VPS13D: variants seen among roughly 807,000 people sequenced by gnomAD.
VPS13D encodes the protein intermembrane lipid transfer protein VPS13D.
A neutral mutation model predicts 461.9 loss-of-function variants in VPS13D; 187 were observed. That is an observed-to-expected ratio of 0.40 (90% CI 0.36 to 0.46). VPS13D has a LOEUF of 0.46. Ranked by LOEUF, VPS13D falls within the 20% of genes least tolerant of loss-of-function variation. The probability of loss-of-function intolerance (pLI) is 0.60; values close to 1 mark genes in which losing one functional copy is unlikely to be tolerated. For synonymous variants in VPS13D, 1,951 were observed against 1,986.3 expected (o/e 0.98, Z 0.47); for missense variants, 4,711 against 5,364.9 (o/e 0.88, Z 3.81).
At chr1:12,471,733 A>G (rs1243634920) in intron 67 of VPS13D, among the ~76,000 whole-genome samples, 3 of 152,144 alleles carry the variant, frequency 2.0e-5, no homozygotes, top group Admixed American at 6.5e-5. Flanking sequence ...CCCCCCACCC[A>G]GGTCACTTTG....
At chr1:12,347,523 G>T (rs1309363448) in intron 44 of VPS13D, among the ~76,000 whole-genome samples, 2 of 152,108 alleles carry the variant, frequency 1.3e-5, no homozygotes, top group African/African-American at 4.8e-5. Flanking sequence ...TTTTTGGGTT[G>T]GGTCACTGGA....
At chr1:12,359,303 GCC>G (rs1643917850) in intron 50 of VPS13D, among the ~76,000 whole-genome samples, 1 of 152,126 alleles carries the variant, frequency 6.6e-6, no homozygotes, top group Admixed American at 6.6e-5. Flanking sequence ...TAATTTCCCA[GCC>G]TCTCAAAGCA....
Position 12,335,342 on chromosome 1 carries a change from C to T in VPS13D, c.8429-363C>T, listed in dbSNP as rs574260236. Among the ~76,000 whole-genome samples, 52 of 152,368 alleles carry T rather than the reference C, an allele frequency of 3.4e-4. No individual in the cohort carries two copies. The Middle Eastern group carries it at 0.014, about 40-fold the overall frequency. The stretch of plus-strand genomic sequence containing the variant: ...TGAGCCTCCCGAAGTGCTGAGATTA[C>T]AGGCGTGAGCCACCGCGTCCGGCCT... On this transcript the variant is annotated intron_variant, in intron 38 of 69. Coordinates refer to ENST00000620676, the MANE Select transcript of VPS13D (RefSeq NM_015378.4).
chr1:12,383,810 G>A (rs1192967610), intron 58 of VPS13D, among the ~76,000 whole-genome samples: 1 of 152,210 alleles, frequency 6.6e-6, no homozygotes, highest in African/African-American at 2.4e-5. Context: ...TTACATTCTA[G>A]TGGGGATGGA....
At chr1:12,237,826 C>CA (rs1640206712) in intron 2 of VPS13D, among the ~76,000 whole-genome samples, 1 of 151,576 alleles carries the variant, frequency 6.6e-6, no homozygotes, top group Admixed American at 6.6e-5. Flanking sequence ...GACCCTGTTT[C>CA]AAAAACAAAA....
intron 63 of VPS13D, among the ~76,000 whole-genome samples, chr1:12,407,080 T>C (rs2101693363): frequency 6.6e-6 from 1 of 152,318 alleles, no homozygotes; most frequent in South Asian, 2.1e-4. Flanking sequence ...AAAAACCAGA[T>C]TTGTTAAAAG....
At chr1:12,497,666 C>T in intron 68 of VPS13D, 35 bp downstream of exon 68, 1 of 1,592,074 alleles carries the variant, frequency 6.3e-7, no homozygotes, top group Non-Finnish European at 8.5e-7. Context: ...CCCTGTGGGT[C>T]TACTGAGTTG....
intron 38 of VPS13D, among the ~76,000 whole-genome samples, 163 bp from the exon 39 acceptor site, chr1:12,335,542 T>C (rs1328454186): frequency 6.6e-6 from 1 of 152,196 alleles, no homozygotes; most frequent in Non-Finnish European, 1.5e-5. Flanking sequence ...TCTCTTTCAG[T>C]GGAGCGTGAG....
chr1:12,455,919 A>G, intron 65 of VPS13D, 79 bp from the exon 66 acceptor site: 1 of 1,471,482 alleles, frequency 6.8e-7, no homozygotes, highest in Non-Finnish European at 9.0e-7. Flanking sequence ...TATTTAATTT[A>G]AATTTATTTA....
Position 12,398,323 on chromosome 1 carries a change from C to G in VPS13D, c.11635-1858C>G, listed in dbSNP as rs903910526. Among the ~76,000 whole-genome samples, 3 of 152,012 alleles carry G rather than the reference C, an allele frequency of 2.0e-5. No individual in the cohort carries two copies. The East Asian group carries it at 5.8e-4, about 29-fold the overall frequency. ...ATTTGTATCCCACCTCTTCCACTTA[C>G]AAGCTGTGCGAATGAGGGCAAGTAG... On this transcript the variant is annotated intron_variant, in intron 60 of 69. Coordinates refer to ENST00000620676, the MANE Select transcript of VPS13D (RefSeq NM_015378.4).
At position 12,266,806 on chromosome 1, in the gene VPS13D, A is replaced by G. The variant is rs529606017; in HGVS notation, c.1595-75A>G. The G allele has an allele frequency of 7.8e-5, 98 of 1,261,932 alleles. No individual in the cohort carries two copies. The African/African-American group carries it at 1.4e-3, about 18-fold the overall frequency. 78.2% of individuals were successfully genotyped at this position (1,261,932 alleles called of 1,614,324 possible). On this transcript the variant is annotated intron_variant, in intron 13 of 69. Coordinates refer to ENST00000620676, the MANE Select transcript of VPS13D (RefSeq NM_015378.4). ...CATCTATAATAATCTTCTGTAAAAT[A>G]GAATATCTAATATTTTCAAAAACAC... is the stretch of plus-strand genomic sequence containing the variant.
At chr1:12,373,036 G>T (rs1644143394) in intron 54 of VPS13D, among the ~76,000 whole-genome samples, 1 of 145,986 alleles carries the variant, frequency 6.8e-6, no homozygotes, top group African/African-American at 2.6e-5. Context: ...ATGCAGTGAT[G>T]CTGATCATCT....
At chr1:12,400,032 C>T (rs1216240316) in intron 60 of VPS13D, 149 bp from the exon 61 acceptor site, 2 of 788,996 alleles carry the variant, frequency 2.5e-6, no homozygotes, top group East Asian at 5.3e-5. Flanking sequence ...TATGACTGCC[C>T]TTTTGTGAAC....
chr1:12,241,607 T>C (rs1640375905), intron 2 of VPS13D, among the ~76,000 whole-genome samples: 1 of 152,204 alleles, frequency 6.6e-6, no homozygotes, highest in Non-Finnish European at 1.5e-5. Context: ...TGGATCTAGC[T>C]GCCCTCTTGT....
chr1:12,391,264 T>G (rs1570075646), intron 60 of VPS13D, among the ~76,000 whole-genome samples: 1 of 152,362 alleles, frequency 6.6e-6, no homozygotes. Flanking sequence ...GCTGTAGTGC[T>G]GCAGCTGTCC....
intron 66 of VPS13D, among the ~76,000 whole-genome samples, 194 bp from the exon 67 acceptor site, chr1:12,460,007 A>G (rs1453952279): frequency 6.1e-5 from 9 of 147,460 alleles, no homozygotes; most frequent in Admixed American, 5.4e-4. Flanking sequence ...AACATGTAAC[A>G]TATATCCTCT....
intron 66 of VPS13D, among the ~76,000 whole-genome samples, chr1:12,457,493 TTGTGTACCTCACA>T (rs1645345669): frequency 6.6e-6 from 1 of 152,204 alleles, no homozygotes; most frequent in South Asian, 2.1e-4. Context: ...ACCTTTCTCC[TTGTGTACCTCACA>T]TGACACCTGG....
chr1:12,369,578 A>G lies in VPS13D; in HGVS notation c.10684A>G (p.Ile3562Val), dbSNP rs1317262013. 4 of 1,614,046 alleles carry G rather than the reference A, an allele frequency of 2.5e-6. No homozygotes were observed. The highest frequency in any genetic ancestry group is 3.4e-6 in the Non-Finnish European group (4 of 1,180,052). Residue 3562 changes from isoleucine (I) to valine (V), a missense_variant, in exon 54 of 70, where the codon ATC (isoleucine) becomes GTC (valine). Around this residue, in one of 3 missense-constraint regions of VPS13D, gnomAD observed 4,411 missense variants for 4,937.8 expected, o/e 0.89. Coordinates refer to ENST00000620676, the MANE Select transcript of VPS13D (RefSeq NM_015378.4). ...AWDEPTLPPF[I>V]TLTVKGAGSS... ...GGACGAACCCACCTTGCCACCTTTTATCACTCTGACTGTTAAAGGGGCAGG... is the reference window on the plus strand; with the variant it reads ...GGACGAACCCACCTTGCCACCTTTTGTCACTCTGACTGTTAAAGGGGCAGG...
At chr1:12,489,826 C>T (rs1011141351) in intron 67 of VPS13D, among the ~76,000 whole-genome samples, 1 of 152,164 alleles carries the variant, frequency 6.6e-6, no homozygotes, top group Non-Finnish European at 1.5e-5. Context: ...CCATCATTAC[C>T]CCCACTTTAT....
Sources: gnomAD v4.1 joint callset for allele counts (sites outside exome capture counted in the v4.1 genomes callset) on GRCh38, gnomAD v4.1.1 for gene constraint, gnomAD v4.1.1 regional missense constraint, MANE v1.5 for transcripts, NCBI Gene and HGNC (gene_info 2026-07-23, HGNC 2026-07-21) for gene names.